RNF212: variants seen among roughly 807,000 people sequenced by gnomAD.
RNF212 encodes ring finger protein 212.
RNF212 carries 33 observed loss-of-function variants against 34.7 expected under a neutral mutation model. The observed-to-expected ratio is 0.95, with a 90% CI of 0.72 to 1.27. RNF212 has a LOEUF of 1.27. Among genes scored for constraint, RNF212 ranks in the 50% most tolerant of loss-of-function variants. RNF212 has a pLI of 0.00. For synonymous variants in RNF212, 140 were observed against 136.1 expected (o/e 1.03, Z -0.20); for missense variants, 377 against 362.2 (o/e 1.04, Z -0.33).
intron 5 of RNF212, chr4:1,085,673 G>T: frequency 6.9e-6 from 4 of 580,656 alleles, no homozygotes; most frequent in Non-Finnish European, 9.2e-6. Flanking sequence ...CCTGCCCCAA[G>T]GGGAAACCAT....
intron 1 of RNF212, among the ~76,000 whole-genome samples, chr4:1,110,517 G>A (rs1240679989): frequency 6.6e-6 from 1 of 152,050 alleles, no homozygotes; most frequent in African/African-American, 2.4e-5. Context: ...ATAGCAAAAC[G>A]GCAGAAACTA....
At chr4:1,094,491 G>C (rs1357247946) in intron 3 of RNF212, among the ~76,000 whole-genome samples, 1 of 152,338 alleles carries the variant, frequency 6.6e-6, no homozygotes, top group East Asian at 1.9e-4. Flanking sequence ...AGCCGCAACT[G>C]AGAGGACTGG....
At position 1,096,808 on chromosome 4, in the gene RNF212, C is replaced by T. The variant is rs1723136092; in HGVS notation, c.203G>A (p.Ser68Asn). The change falls in exon 3 of 10, where the codon AGC becomes AAC. Residue 68 changes from serine (S) to asparagine (N), a missense_variant. Ser to Asn is a conservative substitution (Grantham distance 46, BLOSUM62 1). Transcript: ENST00000433731. Reference protein sequence around the residue: ...TDADIQAFFMSIDSLCKKYSR... With the variant: ...TDADIQAFFMNIDSLCKKYSR... ...GTACTTCTTACACAGACTGTCTATG[C>T]TCATGAAGAATGCCTGGATATCTGC... The T allele has an allele frequency of 1.2e-6, 2 of 1,613,630 alleles. No homozygotes were observed. Among genetic ancestry groups the T allele is most frequent in the Non-Finnish European group, 1.7e-6 (2 of 1,179,466 alleles).
intron 3 of RNF212, chr4:1,093,479 C>T (rs1267217822): frequency 6.2e-6 from 9 of 1,455,416 alleles, no homozygotes; most frequent in Non-Finnish European, 7.2e-6. Context: ...GTTTGTGATG[C>T]TCACCTCCAC....
chr4:1,113,553 G>T lies in RNF212; in HGVS notation c.-89C>A. ...GCCTCCCCGCGCAGGGCCCGAAGGC[G>T]GGCAGCTCTGCGCCTGCGCAAAGTC... On this transcript the variant is annotated 5_prime_UTR_variant, in exon 1 of 10. Coordinates refer to ENST00000433731, the MANE Select transcript of RNF212 (RefSeq NM_001131034.4). 1.8e-6 allele frequency: 2 copies of T among 1,085,828 alleles called. No individual in the cohort carries two copies. The highest frequency in any genetic ancestry group is 2.9e-5 in the East Asian group (1 of 33,908). The allele number at this position is 1,085,828 out of a possible 1,614,324, so 67.3% of individuals were successfully genotyped here.
intron 4 of RNF212, chr4:1,056,787 A>G: frequency 2.1e-6 from 2 of 943,900 alleles, no homozygotes; most frequent in Non-Finnish European, 2.5e-6. Flanking sequence ...GCTTCTTTAC[A>G]CACGCACTTT....
intron 4 of RNF212, among the ~76,000 whole-genome samples, chr4:1,057,602 A>G (rs1224931905): frequency 6.6e-6 from 1 of 152,156 alleles, no homozygotes; most frequent in Non-Finnish European, 1.5e-5. Flanking sequence ...ACAGAGGTGG[A>G]GCTGAGCAGC....
chr4:1,079,208 T>C (rs6850869), intron 8 of RNF212, among the ~76,000 whole-genome samples: 77,565 of 118,192 alleles, frequency 0.66, 24,765 homozygotes, highest in Middle Eastern at 0.73. Context: ...GGGACCAACA[T>C]AGAGTCAACA....
At chr4:1,080,459 C>G (rs1263479642) in intron 7 of RNF212, among the ~76,000 whole-genome samples, 1 of 152,188 alleles carries the variant, frequency 6.6e-6, no homozygotes, top group African/African-American at 2.4e-5. Context: ...ACTTGCCTCC[C>G]AGTGGCCACC....
At chr4:1,097,397 G>T (rs1246375019) in intron 2 of RNF212, among the ~76,000 whole-genome samples, 2 of 152,088 alleles carry the variant, frequency 1.3e-5, no homozygotes, top group Non-Finnish European at 2.9e-5. Flanking sequence ...AAGGTCAGGA[G>T]ATCGAGACCA....
At chr4:1,101,857 T>A (rs1724042897) in intron 2 of RNF212, among the ~76,000 whole-genome samples, 1 of 152,216 alleles carries the variant, frequency 6.6e-6, no homozygotes. Context: ...GGTTACACAT[T>A]ATGATTCTGA....
chr4:1,069,819 T>A (rs1207541781), downstream of RNF212, among the ~76,000 whole-genome samples: 2 of 152,188 alleles, frequency 1.3e-5, no homozygotes, highest in Non-Finnish European at 2.9e-5. Context: ...AAAAGAAGTA[T>A]GAAGAAATGT....
intron 4 of RNF212, among the ~76,000 whole-genome samples, chr4:1,087,371 T>TG (rs1257437091): frequency 2.0e-4 from 6 of 30,460 alleles, no homozygotes; most frequent in Non-Finnish European, 3.5e-4. Context: ...GAGGATGGGG[T>TG]GGGGGTGAGA....
intron 3 of RNF212, among the ~76,000 whole-genome samples, chr4:1,092,349 G>A (rs1033267981): frequency 1.3e-5 from 2 of 152,186 alleles, no homozygotes; most frequent in Non-Finnish European, 2.9e-5. Context: ...AGCAGCAGAT[G>A]GGGTGAGTTC....
chr4:1,089,090 T>C (rs1721785938), intron 4 of RNF212, among the ~76,000 whole-genome samples: 1 of 152,160 alleles, frequency 6.6e-6, no homozygotes, highest in African/African-American at 2.4e-5. Flanking sequence ...AGGGCCACTG[T>C]CCTCCAGACG....
At chr4:1,092,145 T>C (rs1372595178) in intron 3 of RNF212, among the ~76,000 whole-genome samples, 1 of 152,240 alleles carries the variant, frequency 6.6e-6, no homozygotes, top group Non-Finnish European at 1.5e-5. Context: ...GCGCCTCTGC[T>C]TCTCAGCTTC....
intron 3 of RNF212, among the ~76,000 whole-genome samples, chr4:1,092,802 C>T (rs1680027): frequency 2.0e-5 from 3 of 152,080 alleles, no homozygotes; most frequent in Non-Finnish European, 4.4e-5. Context: ...TGGGAGGCCG[C>T]GAAGGCCTGA....
At chr4:1,083,913 G>C (rs1458770604) in intron 5 of RNF212, among the ~76,000 whole-genome samples, 1 of 147,846 alleles carries the variant, frequency 6.8e-6, no homozygotes, top group Non-Finnish European at 1.5e-5. Flanking sequence ...CACCAACAAG[G>C]AAAAAAATGA....
chr4:1,109,010 CTT>C (rs71168810), intron 1 of RNF212, among the ~76,000 whole-genome samples: 1 of 135,830 alleles, frequency 7.4e-6, no homozygotes, highest in Non-Finnish European at 1.5e-5. Flanking sequence ...CATAATTAGC[CTT>C]TTTTTTTTTT....
Sources: gnomAD v4.1 joint callset for allele counts (sites outside exome capture counted in the v4.1 genomes callset) on GRCh38, gnomAD v4.1.1 for gene constraint, MANE v1.5 for transcripts, NCBI Gene and HGNC (gene_info 2026-07-23, HGNC 2026-07-21) for gene names.